SOX5: variants seen among roughly 807,000 people sequenced by gnomAD.
SOX5 encodes the protein transcription factor SOX-5.
SOX5 carries 9 observed loss-of-function variants against 92.0 expected under a neutral mutation model. The ratio of observed to expected loss-of-function variants is 0.10; its 90% CI spans 0.06 to 0.17. The LOEUF (loss-of-function observed/expected upper bound fraction) is 0.17, where lower values mean the gene tolerates loss of function less well. SOX5 is among the 10% of genes least tolerant of loss of function. The probability of loss-of-function intolerance (pLI) is 1.00; values close to 1 mark genes in which losing one functional copy is unlikely to be tolerated. For synonymous variants in SOX5, 344 were observed against 336.3 expected, an observed-to-expected ratio of 1.02 and a Z score of -0.25; for missense variants, 642 against 944.5, an observed-to-expected ratio of 0.68 and a Z score of 4.20.
chr12:23,802,230 T>A (rs982523142), intron 3 of SOX5, among the ~76,000 whole-genome samples: 1 of 151,874 alleles, frequency 6.6e-6, no homozygotes, highest in Non-Finnish European at 1.5e-5. Context: ...CCCACCACCA[T>A]GTCCAGCTAA....
intron 3 of SOX5, among the ~76,000 whole-genome samples, chr12:23,789,818 T>C (rs2095439725): frequency 6.6e-6 from 1 of 152,148 alleles, no homozygotes; most frequent in Non-Finnish European, 1.5e-5. Flanking sequence ...TTACCAGATA[T>C]ATGTGAGAAA....
intron 4 of SOX5, among the ~76,000 whole-genome samples, chr12:24,211,701 T>C (rs560914802): frequency 2.6e-4 from 40 of 152,172 alleles, no homozygotes; most frequent in Non-Finnish European, 4.7e-4. Context: ...CCAAGAAACA[T>C]AGATTTAGTT....
At chr12:23,540,366 T>TAAA in intron 13 of SOX5, among the ~76,000 whole-genome samples, 1 of 70,274 alleles carries the variant, frequency 1.4e-5, no homozygotes, top group Non-Finnish European at 2.5e-5. Flanking sequence ...TAAAGTATAA[T>TAAA]AATAATAATA....
intron 4 of SOX5, among the ~76,000 whole-genome samples, chr12:23,979,698 G>GTTTTTTTGTTTTTTTTTT (rs1949313537): frequency 4.6e-5 from 3 of 64,692 alleles, no homozygotes; most frequent in Non-Finnish European, 8.1e-5. Flanking sequence ...ATATATATAT[G>GTTTTTTTGTTTTTTTTTT]TTTTTTTTGT....
At chr12:24,087,727 A>G (rs2137715442) in intron 4 of SOX5, among the ~76,000 whole-genome samples, 1 of 152,168 alleles carries the variant, frequency 6.6e-6, no homozygotes, top group Non-Finnish European at 1.5e-5. Flanking sequence ...TATGTTTACA[A>G]TATGTAGAAT....
At chr12:24,099,406 G>A (rs551996624) in intron 4 of SOX5, among the ~76,000 whole-genome samples, 1 of 152,148 alleles carries the variant, frequency 6.6e-6, no homozygotes, top group Non-Finnish European at 1.5e-5. Flanking sequence ...CCAAACTAAA[G>A]CTTCAGCAGA....
At chr12:23,692,716 A>G (rs956163363) in intron 6 of SOX5, among the ~76,000 whole-genome samples, 4 of 152,144 alleles carry the variant, frequency 2.6e-5, no homozygotes, top group Non-Finnish European at 4.4e-5. Flanking sequence ...ATAACCTTCT[A>G]CCTACTTGAC....
chr12:24,139,552 A>G (rs1032686964), intron 4 of SOX5, among the ~76,000 whole-genome samples: 5 of 152,246 alleles, frequency 3.3e-5, no homozygotes, highest in Non-Finnish European at 5.9e-5. Context: ...TAATGTATTT[A>G]GAACCTGTTT....
intron 11 of SOX5, among the ~76,000 whole-genome samples, chr12:23,557,451 G>A (rs1027591193): frequency 3.3e-5 from 5 of 152,154 alleles, no homozygotes; most frequent in African/African-American, 1.2e-4. Flanking sequence ...GGCAATTAAT[G>A]TTCAGTGAAT....
At chr12:23,725,351 G>A (rs529576078) in intron 6 of SOX5, among the ~76,000 whole-genome samples, 54 of 152,248 alleles carry the variant, frequency 3.5e-4, no homozygotes, top group African/African-American at 1.2e-3. Flanking sequence ...TGAAGGAAGA[G>A]CAATGGGACG....
chr12:24,543,205 C>T (rs1303801091), intron 1 of SOX5, among the ~76,000 whole-genome samples: 1 of 152,176 alleles, frequency 6.6e-6, no homozygotes, highest in South Asian at 2.1e-4. Flanking sequence ...AGCTGACTCA[C>T]CTCCATCTTC....
chr12:24,360,329 C>A (rs376486544), intron 2 of SOX5, among the ~76,000 whole-genome samples: 1 of 152,308 alleles, frequency 6.6e-6, no homozygotes, highest in South Asian at 2.1e-4. Flanking sequence ...CAGTGAGATG[C>A]ACTTTTGCCC....
intron 1 of SOX5, among the ~76,000 whole-genome samples, chr12:23,929,037 T>C (rs1940772219): frequency 6.6e-6 from 1 of 151,434 alleles, no homozygotes; most frequent in Admixed American, 6.6e-5. Flanking sequence ...TTTAAAAAAA[T>C]GCCTTCTACG....
chr12:24,124,993 A>G (rs1429903503), intron 4 of SOX5, among the ~76,000 whole-genome samples: 1 of 152,332 alleles, frequency 6.6e-6, no homozygotes, highest in African/African-American at 2.4e-5. Context: ...TGAAAGTAAG[A>G]TGGAGCCATT....
Position 24,198,401 on chromosome 12 carries a change from G to T in SOX5, c.-2+14942C>A, listed in dbSNP as rs550019459. On this transcript the variant is annotated intron_variant, in intron 4 of 4. Transcript: ENST00000446891. ...TCATACAACTTAAACATTTTATTTC[G>T]AGTTGTTTATCTGGATCTCTCTATT... Among the ~76,000 whole-genome samples, 304 of 152,144 alleles carry T rather than the reference G, an allele frequency of 2.0e-3. 3 individuals are homozygous for T. Among genetic ancestry groups the T allele is most frequent in the Non-Finnish European group, 3.1e-3 (211 of 68,002 alleles).
At chr12:23,662,222 C>T (rs555477866) in intron 7 of SOX5, among the ~76,000 whole-genome samples, 1 of 152,108 alleles carries the variant, frequency 6.6e-6, no homozygotes, top group Non-Finnish European at 1.5e-5. Flanking sequence ...ATTTTCACCT[C>T]CTCAGAAGTG....
chr12:23,911,065 AAAT>A (rs1157712763), intron 1 of SOX5, among the ~76,000 whole-genome samples: 1 of 152,136 alleles, frequency 6.6e-6, no homozygotes, highest in Non-Finnish European at 1.5e-5. Flanking sequence ...AGCATATAAT[AAAT>A]AATACCTGCT....
chr12:23,531,461 C>CAA lies in SOX5; in HGVS notation c.*2756_*2757dup, dbSNP rs1291681971. The CAA allele has an allele frequency of 6.6e-6, 1 of 152,156 alleles. No individual in the cohort carries two copies. The highest frequency in any genetic ancestry group is 2.4e-5 in the African/African-American group (1 of 41,438). The allele number at this position is 152,156 out of a possible 1,614,324, so 9.4% of individuals were successfully genotyped here. On this transcript the variant is annotated 3_prime_UTR_variant, in exon 15 of 15. Coordinates refer to ENST00000451604, the MANE Select transcript of SOX5 (RefSeq NM_006940.6). Reference sequence around the variant, plus strand: ...CAATGGCATCTACCTGGAGCTAAAACAAAGTATTCTTGTAGCCCAAACTCA... The same window carrying CAA: ...CAATGGCATCTACCTGGAGCTAAAACAAAAAGTATTCTTGTAGCCCAAACTCA...
At chr12:24,298,694 G>A (rs1047588315) in intron 2 of SOX5, among the ~76,000 whole-genome samples, 2 of 145,198 alleles carry the variant, frequency 1.4e-5, no homozygotes, top group Non-Finnish European at 1.5e-5. Context: ...AAAATACTAT[G>A]AGAGAAGAAC....
Sources: allele counts gnomAD v4.1 joint callset (sites outside exome capture counted in the v4.1 genomes callset), GRCh38; gene constraint gnomAD v4.1.1; transcripts MANE v1.5; gene names NCBI Gene and HGNC (gene_info 2026-07-23, HGNC 2026-07-21).